Variants in ANKRD27 observed in about 807,000 individuals in gnomAD.
ANKRD27 encodes ankyrin repeat domain-containing protein 27.
A neutral mutation model predicts 129.7 loss-of-function variants in ANKRD27; 112 were observed. The ratio of observed to expected loss-of-function variants is 0.86; its 90% CI spans 0.74 to 1.01. The LOEUF (loss-of-function observed/expected upper bound fraction) is 1.01. Ranked by LOEUF, ANKRD27 falls within the 50% of genes least tolerant of loss-of-function variation. The probability of loss-of-function intolerance (pLI) is 0.00; values close to 1 mark genes in which losing one functional copy is unlikely to be tolerated. For synonymous variants in ANKRD27, 516 were observed against 511.2 expected (o/e 1.01, Z -0.13); for missense variants, 1,258 against 1,300.5 (o/e 0.97, Z 0.50).
intron 17 of ANKRD27, among the ~76,000 whole-genome samples, chr19:32,625,351 G>A (rs981821780): frequency 1.3e-5 from 2 of 152,052 alleles, no homozygotes; most frequent in African/African-American, 4.8e-5. Flanking sequence ...AAATGAAAAT[G>A]ATTTGACTTC....
intron 12 of ANKRD27, among the ~76,000 whole-genome samples, chr19:32,633,081 A>G (rs1034116345): frequency 6.6e-6 from 1 of 152,160 alleles, no homozygotes; most frequent in East Asian, 1.9e-4. Context: ...ACACATTGTT[A>G]TCCGGGTAAA....
At position 32,607,700 on chromosome 19, in the gene ANKRD27, C is replaced by A; in HGVS notation, c.2308G>T (p.Ala770Ser). The stretch of plus-strand genomic sequence containing the variant: ...GCTTGGTCTGCGTTCCTGGCACCTG[C>A]GTTGGCCCCGTGCTTCAGCAGGAGG... ...IPLLLKHGAN[A>S]GARNADQAVP... is the part of the protein sequence containing the mutation. Residue 770 changes from alanine to serine, a missense_variant, in exon 23 of 29, where the codon GCA becomes TCA. Physicochemically the swap from Ala to Ser is moderately conservative, Grantham distance 99. Coordinates refer to ENST00000306065, the MANE Select transcript of ANKRD27 (RefSeq NM_032139.3). 1 of 1,612,852 alleles carries A rather than the reference C, an allele frequency of 6.2e-7. No individual in the cohort carries two copies.
Position 32,598,214 on chromosome 19 carries a change from G to T in ANKRD27, c.3084C>A (p.Val1028=). ...MLRRHTVEDA[V]VSQGPEAAGP... ...CAGCAGCCTCCGGGCCCTGGGACAC[G>T]ACCGCATCCTCTACCGTGTGTCTCC... The change falls in exon 29 of 29, where the codon GTC becomes GTA. Residue 1028 remains valine (V), a synonymous_variant. Transcript: ENST00000306065. 1.9e-6 allele frequency: 3 copies of T among 1,614,104 alleles called. No homozygotes were observed. Among genetic ancestry groups the T allele is most frequent in the Non-Finnish European group, 2.5e-6 (3 of 1,180,020 alleles).
chr19:32,658,845 G>A (rs1168908622), intron 2 of ANKRD27, 69 bp downstream of exon 2: 11 of 1,281,714 alleles, frequency 8.6e-6, no homozygotes, highest in Non-Finnish European at 1.3e-5. Context: ...CCTCCAAACT[G>A]AGCCTTAGTC....
chr19:32,624,095 G>A (rs933100915), intron 17 of ANKRD27, among the ~76,000 whole-genome samples: 4 of 152,030 alleles, frequency 2.6e-5, no homozygotes, highest in Admixed American at 2.0e-4. Flanking sequence ...GGCCAGGCAC[G>A]GTGGCTCACG....
At chr19:32,599,925 T>A in intron 27 of ANKRD27, 47 bp downstream of exon 27, 1 of 1,560,912 alleles carries the variant, frequency 6.4e-7, no homozygotes, top group Non-Finnish European at 8.8e-7. Context: ...CAGCTTGGAG[T>A]AAACTAGGGG....
chr19:32,622,438 C>A lies in ANKRD27; in HGVS notation c.1811G>T (p.Cys604Phe), dbSNP rs138536300. Residue 604 changes from cysteine to phenylalanine, a missense_variant, in exon 18 of 29, where the codon TGT becomes TTT. Cys to Phe is a radical substitution (Grantham distance 205). Coordinates refer to ENST00000306065, the MANE Select transcript of ANKRD27 (RefSeq NM_032139.3). ...QNRLKETPLK[C>F]ALNSKILSVM... ...AAGAGCTACCTTTGAGTTTAATGCA[C>A]ACTTGAGGGGCGTCTCCTTCAGTCT... 1 of 1,613,706 alleles carries A rather than the reference C, an allele frequency of 6.2e-7. No individual in the cohort carries two copies. Among genetic ancestry groups the A allele is most frequent in the Non-Finnish European group, 8.5e-7 (1 of 1,179,996 alleles).
chr19:32,647,350 T>A (rs1967322706), intron 3 of ANKRD27, among the ~76,000 whole-genome samples: 1 of 152,254 alleles, frequency 6.6e-6, no homozygotes, highest in African/African-American at 2.4e-5. Context: ...CCTCTGTGTA[T>A]CCTGTTGGAA....
At position 32,626,700 on chromosome 19, in the gene ANKRD27, A is replaced by C; in HGVS notation, c.1536+12T>G. 6.3e-7 allele frequency: 1 copy of C among 1,588,724 alleles called. No homozygotes were observed. The highest frequency in any genetic ancestry group is 8.6e-7 in the Non-Finnish European group (1 of 1,165,740). ...CAAAGCGACAGCCCGCCACAAAGGC[A>C]CCACTGCTCACCGTCACGCTCTGGT... On this transcript the variant is annotated intron_variant, in intron 16 of 28. Coordinates refer to ENST00000306065, the MANE Select transcript of ANKRD27 (RefSeq NM_032139.3).
intron 12 of ANKRD27, 88 bp downstream of exon 12, chr19:32,639,268 A>G (rs1967148174): frequency 6.6e-7 from 1 of 1,511,118 alleles, no homozygotes; most frequent in Admixed American, 1.9e-5. Context: ...CAATTTAAGA[A>G]TCCGTCTGCC....
At chr19:32,647,131 G>A (rs960076040) in intron 3 of ANKRD27, among the ~76,000 whole-genome samples, 2 of 151,982 alleles carry the variant, frequency 1.3e-5, no homozygotes, top group African/African-American at 2.4e-5. Flanking sequence ...TGGCCCACAC[G>A]ATGCATTTGT....
intron 3 of ANKRD27, among the ~76,000 whole-genome samples, chr19:32,649,473 A>T (rs1366753259): frequency 6.6e-6 from 1 of 152,066 alleles, no homozygotes; most frequent in African/African-American, 2.4e-5. Flanking sequence ...CCGGCCTCCA[A>T]GACAGCAGCT....
chr19:32,620,885 CAAAAAAAAAAAA>C (rs746859989), intron 18 of ANKRD27, among the ~76,000 whole-genome samples: 2 of 75,302 alleles, frequency 2.7e-5, no homozygotes, highest in Admixed American at 1.8e-4. Flanking sequence ...AACCTTGTCT[CAAAAAAAAAAAA>C]AAAAAAAAAA....
Position 32,662,872 on chromosome 19 carries a change from G to A in ANKRD27, c.-30-3827C>T, listed in dbSNP as rs529492573. Among the ~76,000 whole-genome samples the A allele has an allele frequency of 6.6e-5, 10 of 152,032 alleles. No homozygotes were observed. In the South Asian group the frequency reaches 1.0e-3, roughly 16 times the overall value. Reference sequence around the variant, plus strand: ...AGCCTGGACAACATGGTGAAACCCCGTCTCTACTAAAATACAAAAATTAGC... The same window carrying A: ...AGCCTGGACAACATGGTGAAACCCCATCTCTACTAAAATACAAAAATTAGC... On this transcript the variant is annotated intron_variant, in intron 1 of 28. Transcript: ENST00000306065.
rs1568419130 is a variant in ANKRD27, at chr19:32,659,024, C to T, written c.-9G>A. On this transcript the variant is annotated 5_prime_UTR_variant, in exon 2 of 29. Transcript: ENST00000306065. ...TCATCATACAGAGCCATATGGACTT[C>T]AGATGGGTCAGAGCAAATCTCCTGC... 1.3e-6 allele frequency: 2 copies of T among 1,597,818 alleles called. No homozygotes were observed. The highest frequency in any genetic ancestry group is 8.6e-7 in the Non-Finnish European group (1 of 1,165,332).
At chr19:32,605,173 C>A (rs1971713220) in intron 24 of ANKRD27, among the ~76,000 whole-genome samples, 3 of 152,086 alleles carry the variant, frequency 2.0e-5, no homozygotes. Flanking sequence ...GAGTTTGAGA[C>A]CAGCCTGGGC....
rs1446909525 is a variant in ANKRD27 at position 32,598,058 on chromosome 19, C to T, written c.*87G>A. 2.4e-6 allele frequency: 3 copies of T among 1,252,266 alleles called. No homozygotes were observed. Among genetic ancestry groups the T allele is most frequent in the Non-Finnish European group, 2.3e-6 (2 of 865,108 alleles). The allele number at this position is 1,252,266 out of a possible 1,614,324, so 77.6% of individuals were successfully genotyped here. On this transcript the variant is annotated 3_prime_UTR_variant, in exon 29 of 29. Coordinates refer to ENST00000306065, the MANE Select transcript of ANKRD27 (RefSeq NM_032139.3). The stretch of plus-strand genomic sequence containing the variant: ...TTCTCAAGCCAGTCTCATGGAAGCA[C>T]ATTTAGTTCTCAGATGTGTTCACGC...
At chr19:32,655,248 G>C (rs259246) in intron 2 of ANKRD27, 74,796 of 152,384 alleles carry the variant, frequency 0.49, 21,169 homozygotes, top group Non-Finnish European at 0.65. Context: ...GGGCTCCAGC[G>C]ATCCTCCTGC....
chr19:32,622,718 CAGACAGAACTCAGA>C (rs1356559425), intron 17 of ANKRD27, 99 bp from the exon 18 acceptor site: 1 of 1,066,418 alleles, frequency 9.4e-7, no homozygotes, highest in Non-Finnish European at 1.4e-6. Flanking sequence ...TGTGCAGTAA[CAGACAGAACTCAGA>C]AGTGTCACAG....
Sources: gnomAD v4.1 joint callset for allele counts (sites outside exome capture counted in the v4.1 genomes callset) on GRCh38, gnomAD v4.1.1 for gene constraint, MANE v1.5 for transcripts, NCBI Gene and HGNC (gene_info 2026-07-23, HGNC 2026-07-21) for gene names.